The following ENTREP2 variants were observed in gnomAD, a reference collection of about 807,000 sequenced individuals.
The protein encoded by ENTREP2 is endosomal transmembrane epsin interactor 2.
the ENTREP2 span, among the ~76,000 whole-genome samples, chr15:29,377,902 T>C: frequency 6.7e-6 from 1 of 149,920 alleles, no homozygotes; most frequent in Non-Finnish European, 1.5e-5. Context: ...TGAATAAGTA[T>C]GATGGGTGAG....
chr15:29,247,901 T>A, the ENTREP2 span, among the ~76,000 whole-genome samples: 1 of 152,214 alleles, frequency 6.6e-6, no homozygotes, highest in Non-Finnish European at 1.5e-5. Flanking sequence ...CCTGCAGAAC[T>A]GCACCCTGGC....
the ENTREP2 span, among the ~76,000 whole-genome samples, chr15:29,512,048 T>C: frequency 1.3e-5 from 2 of 151,872 alleles, no homozygotes; most frequent in Admixed American, 6.6e-5. Context: ...AAACTTTCTA[T>C]GGTGAACGAT....
chr15:29,505,720 A>G, the ENTREP2 span, among the ~76,000 whole-genome samples: 1 of 152,326 alleles, frequency 6.6e-6, no homozygotes, highest in South Asian at 2.1e-4. The surrounding 1 kb of genome is among the most constrained non-coding windows in gnomAD (Gnocchi z 4.3). Context: ...ATCGACATCA[A>G]CAAAAAGGAT....
chr15:29,603,028 G>A, the ENTREP2 span, among the ~76,000 whole-genome samples: 2 of 152,208 alleles, frequency 1.3e-5, no homozygotes, highest in African/African-American at 2.4e-5. Flanking sequence ...AGAGAATCAC[G>A]AGATGGCCCA....
At chr15:29,425,797 C>T in the ENTREP2 span, among the ~76,000 whole-genome samples, 1 of 151,936 alleles carries the variant, frequency 6.6e-6, no homozygotes, top group East Asian at 1.9e-4. Context: ...ATATCAATAG[C>T]ATAGATATCT....
At chr15:29,547,738 G>A in the ENTREP2 span, among the ~76,000 whole-genome samples, 1 of 152,098 alleles carries the variant, frequency 6.6e-6, no homozygotes, top group African/African-American at 2.4e-5. Flanking sequence ...TCCACCTCTG[G>A]ATATATATCG....
At chr15:29,548,430 G>A in the ENTREP2 span, among the ~76,000 whole-genome samples, 3 of 147,000 alleles carry the variant, frequency 2.0e-5, no homozygotes, top group African/African-American at 7.8e-5. Flanking sequence ...ACTCCAGCCT[G>A]GGCAAGAGAG....
At chr15:29,383,396 A>G in the ENTREP2 span, among the ~76,000 whole-genome samples, 1 of 151,878 alleles carries the variant, frequency 6.6e-6, no homozygotes, top group Admixed American at 6.6e-5. Context: ...CCTCTCCCTT[A>G]CCCCCATGTC....
the ENTREP2 span, among the ~76,000 whole-genome samples, chr15:29,667,224 G>A: frequency 5.5e-5 from 8 of 146,430 alleles, no homozygotes; most frequent in African/African-American, 7.6e-5. Flanking sequence ...GTCTCACTCC[G>A]TCTCCCAGGC....
the ENTREP2 span, among the ~76,000 whole-genome samples, chr15:29,441,953 C>T: frequency 2.0e-5 from 3 of 152,188 alleles, no homozygotes; most frequent in Non-Finnish European, 2.9e-5. Context: ...GTCCACCCAA[C>T]ATTTCCCATG....
At chr15:29,269,613 C>T in the ENTREP2 span, 2 of 1,564,296 alleles carry the variant, frequency 1.3e-6, no homozygotes, top group East Asian at 5.1e-5. Flanking sequence ...CTTCCCCGGC[C>T]CGCGAAGCCC....
chr15:29,148,966 T>G, the ENTREP2 span, among the ~76,000 whole-genome samples: 1 of 152,018 alleles, frequency 6.6e-6, no homozygotes, highest in Non-Finnish European at 1.5e-5. Flanking sequence ...AACCTCCGCC[T>G]CCCAGGTTCA....
At chr15:29,661,350 A>G in the ENTREP2 span, among the ~76,000 whole-genome samples, 3 of 151,996 alleles carry the variant, frequency 2.0e-5, no homozygotes, top group African/African-American at 7.3e-5. Context: ...ACAGGTGCAC[A>G]CCACCATGCC....
the ENTREP2 span, among the ~76,000 whole-genome samples, chr15:29,146,545 G>A: frequency 2.6e-5 from 4 of 152,102 alleles, no homozygotes; most frequent in Non-Finnish European, 4.4e-5. Context: ...ACCATTCAAC[G>A]GGGAAAGATT....
At chr15:29,617,926 T>C in the ENTREP2 span, among the ~76,000 whole-genome samples, 2 of 152,166 alleles carry the variant, frequency 1.3e-5, no homozygotes, top group South Asian at 4.1e-4. Flanking sequence ...CCACAGCCCT[T>C]TTCCTCATCC....
At chr15:29,456,809 T>C in the ENTREP2 span, among the ~76,000 whole-genome samples, 1 of 151,124 alleles carries the variant, frequency 6.6e-6, no homozygotes, top group East Asian at 1.9e-4. Context: ...CAGCAAAGAG[T>C]GGTGTGTGCA....
At chr15:29,292,876 G>T in the ENTREP2 span, among the ~76,000 whole-genome samples, 2 of 152,134 alleles carry the variant, frequency 1.3e-5, no homozygotes, top group Admixed American at 1.3e-4. Context: ...AACATACGTG[G>T]TCATAAAGAA....
chr15:29,276,569 T>G, the ENTREP2 span, among the ~76,000 whole-genome samples: 1 of 152,186 alleles, frequency 6.6e-6, no homozygotes, highest in Non-Finnish European at 1.5e-5. Flanking sequence ...GCTCACAAGC[T>G]GAGGGGTGAT....
the ENTREP2 span, among the ~76,000 whole-genome samples, chr15:29,168,749 G>A: frequency 6.6e-6 from 1 of 152,208 alleles, no homozygotes; most frequent in Non-Finnish European, 1.5e-5. Context: ...AGTAACACAT[G>A]TGCTGCTCTA....
Sources: gnomAD v4.1 joint callset for allele counts (sites outside exome capture counted in the v4.1 genomes callset) on GRCh38, gnomAD v4.1.1 for gene constraint, Gnocchi (gnomAD v3.1) non-coding constraint, MANE v1.5 for transcripts, NCBI Gene and HGNC (gene_info 2026-07-23, HGNC 2026-07-21) for gene names.